GUCY1A2: variants seen among roughly 807,000 people sequenced by gnomAD.
GUCY1A2 encodes guanylate cyclase 1 soluble subunit alpha 2, also known as guanylate cyclase soluble subunit alpha-2.
A neutral mutation model predicts 63.5 loss-of-function variants in GUCY1A2; 27 were observed. That is an observed-to-expected ratio of 0.43 (90% confidence interval 0.31 to 0.59). The LOEUF is 0.59. Among genes scored for constraint, GUCY1A2 ranks in the 20% least tolerant of loss-of-function variants. The pLI is 0.11. For synonymous variants in GUCY1A2, 364 were observed against 343.5 expected (o/e 1.06, Z -0.66); for missense variants, 768 against 913.3 (o/e 0.84, Z 2.05).
chr11:106,771,043 T>C (rs1275914426), intron 6 of GUCY1A2, among the ~76,000 whole-genome samples: 2 of 151,974 alleles, frequency 1.3e-5, no homozygotes, highest in Non-Finnish European at 2.9e-5. Context: ...TGAGATAAAA[T>C]TTAATGAAAA....
rs145082327 is a variant in GUCY1A2 at position 106,970,753 on chromosome 11, A to G, written c.487+7866T>C. ...TAACTGATTTGAAAATGTAGTCTAC[A>G]TAAAAACTTGCAAGTGAATGTTTTA... On this transcript the variant is annotated intron_variant, in intron 3 of 7. Transcript: ENST00000526355. Among the ~76,000 whole-genome samples the G allele has an allele frequency of 2.9e-3, 449 of 152,348 alleles. 1 individual carries two copies. Among genetic ancestry groups the G allele is most frequent in the Non-Finnish European group, 5.3e-3 (361 of 68,040 alleles).
chr11:106,995,942 C>A (rs1000252399), intron 1 of GUCY1A2, among the ~76,000 whole-genome samples: 3 of 152,068 alleles, frequency 2.0e-5, no homozygotes, highest in Non-Finnish European at 4.4e-5. Context: ...CTCTATTGTG[C>A]CCAGTACTTG....
intron 4 of GUCY1A2, among the ~76,000 whole-genome samples, chr11:106,840,854 GA>G (rs1294630621): frequency 6.6e-6 from 1 of 151,844 alleles, no homozygotes; most frequent in Non-Finnish European, 1.5e-5. Context: ...ATAAACTTCG[GA>G]AAAAATTTTG....
At chr11:106,845,447 C>A (rs1859258111) in intron 4 of GUCY1A2, among the ~76,000 whole-genome samples, 1 of 151,504 alleles carries the variant, frequency 6.6e-6, no homozygotes, top group African/African-American at 2.4e-5. Flanking sequence ...GTGCTAGAGA[C>A]AAACATGTTA....
chr11:106,700,649 A>G (rs1862803225), intron 7 of GUCY1A2, among the ~76,000 whole-genome samples: 1 of 152,180 alleles, frequency 6.6e-6, no homozygotes, highest in Non-Finnish European at 1.5e-5. Flanking sequence ...TTTCTTTTGT[A>G]AAATATGTTT....
At chr11:106,998,263 T>C (rs980727007) in intron 1 of GUCY1A2, among the ~76,000 whole-genome samples, 3 of 152,138 alleles carry the variant, frequency 2.0e-5, no homozygotes, top group Non-Finnish European at 2.9e-5. Flanking sequence ...AATGGAAAAT[T>C]AGTAACTTGG....
At chr11:106,801,526 A>G (rs532532922) in intron 5 of GUCY1A2, among the ~76,000 whole-genome samples, 2 of 152,138 alleles carry the variant, frequency 1.3e-5, no homozygotes, top group South Asian at 4.1e-4. Flanking sequence ...GTAATTGGAA[A>G]CACTAGCTAT....
intron 6 of GUCY1A2, among the ~76,000 whole-genome samples, chr11:106,775,414 T>C (rs1277779398): frequency 6.6e-6 from 1 of 151,984 alleles, no homozygotes; most frequent in East Asian, 1.9e-4. Flanking sequence ...GGGGGAATAG[T>C]ATTTCCCAGT....
At chr11:106,848,411 A>G (rs1859306814) in intron 4 of GUCY1A2, among the ~76,000 whole-genome samples, 1 of 151,628 alleles carries the variant, frequency 6.6e-6, no homozygotes, top group Non-Finnish European at 1.5e-5. Context: ...TTATACCAAC[A>G]TTTGATTGGA....
intron 1 of GUCY1A2, among the ~76,000 whole-genome samples, chr11:107,012,064 A>G (rs1023547548): frequency 1.3e-5 from 2 of 152,162 alleles, no homozygotes; most frequent in African/African-American, 4.8e-5. Flanking sequence ...ATGTCCTTGT[A>G]TTTTTATAGA....
At chr11:106,786,764 T>C (rs1255395479) in intron 5 of GUCY1A2, among the ~76,000 whole-genome samples, 1 of 152,202 alleles carries the variant, frequency 6.6e-6, no homozygotes, top group Admixed American at 6.5e-5. Flanking sequence ...ACCACTGTAA[T>C]TGACTCCATG....
At chr11:106,791,488 T>C (rs1214749765) in intron 5 of GUCY1A2, among the ~76,000 whole-genome samples, 2 of 152,096 alleles carry the variant, frequency 1.3e-5, no homozygotes, top group Non-Finnish European at 2.9e-5. Flanking sequence ...TGTGTGTGTG[T>C]GTGTGTGCAT....
At chr11:106,781,129 A>AT in intron 5 of GUCY1A2, among the ~76,000 whole-genome samples, 1 of 145,384 alleles carries the variant, frequency 6.9e-6, no homozygotes, top group Non-Finnish European at 1.5e-5. Context: ...AAAAAAAAAA[A>AT]AAAAGAAAAA....
At chr11:106,958,217 C>T (rs1468908380) in intron 3 of GUCY1A2, among the ~76,000 whole-genome samples, 1 of 152,080 alleles carries the variant, frequency 6.6e-6, no homozygotes, top group Non-Finnish European at 1.5e-5. Context: ...AACATTGATT[C>T]ATGAAGCCAT....
intron 6 of GUCY1A2, among the ~76,000 whole-genome samples, chr11:106,758,863 G>T (rs2135390326): frequency 6.6e-6 from 1 of 152,212 alleles, no homozygotes; most frequent in Admixed American, 6.5e-5. Context: ...GACACACTGG[G>T]GCCAGTCAAA....
intron 4 of GUCY1A2, among the ~76,000 whole-genome samples, chr11:106,877,121 A>G (rs2135468456): frequency 6.6e-6 from 1 of 152,168 alleles, no homozygotes; most frequent in East Asian, 1.9e-4. Flanking sequence ...TTTGGCTTTC[A>G]GCTTGACTAC....
rs552321107 is a variant in GUCY1A2 at position 106,836,264 on chromosome 11, A to G, written c.1207-25786T>C. On this transcript the variant is annotated intron_variant, in intron 4 of 7. Transcript: ENST00000526355. ...GCTGACCAGAAGCTGTACCAATATCATAAACAGTTGATTAACACATATTTT... is the reference window on the plus strand; with the variant it reads ...GCTGACCAGAAGCTGTACCAATATCGTAAACAGTTGATTAACACATATTTT... Among the ~76,000 whole-genome samples the G allele has an allele frequency of 3.3e-5, 5 of 152,128 alleles. 1 individual carries two copies. Among genetic ancestry groups the G allele is most frequent in the African/African-American group, 1.2e-4 (5 of 41,540 alleles).
intron 4 of GUCY1A2, among the ~76,000 whole-genome samples, chr11:106,898,422 AT>A (rs1351577713): frequency 6.6e-6 from 1 of 152,204 alleles, no homozygotes; most frequent in Non-Finnish European, 1.5e-5. Context: ...TTTATTCATA[AT>A]TGCCAAAACT....
intron 4 of GUCY1A2, among the ~76,000 whole-genome samples, chr11:106,927,910 G>T (rs1860549877): frequency 6.6e-6 from 1 of 151,996 alleles, no homozygotes; most frequent in Admixed American, 6.6e-5. Context: ...GGGTAGAATG[G>T]TAATTAAACT....
Sources: gnomAD v4.1 joint callset for allele counts (sites outside exome capture counted in the v4.1 genomes callset) on GRCh38, gnomAD v4.1.1 for gene constraint, MANE v1.5 for transcripts, NCBI Gene and HGNC (gene_info 2026-07-23, HGNC 2026-07-21) for gene names.